The following INPP4B variants were observed in gnomAD, a reference collection of about 807,000 sequenced individuals.
INPP4B encodes the protein inositol polyphosphate 4-phosphatase type II.
In INPP4B, 55 loss-of-function variants were observed where a neutral mutation model predicts 122.5. That is an observed-to-expected ratio of 0.45 (90% confidence interval 0.36 to 0.56). The LOEUF (loss-of-function observed/expected upper bound fraction) is 0.56. Among genes scored for constraint, INPP4B ranks in the 20% least tolerant of loss-of-function variants. The probability of loss-of-function intolerance (pLI) is 0.00; values close to 1 mark genes in which losing one functional copy is unlikely to be tolerated. For missense variants in INPP4B, 1,000 were observed against 1,097.7 expected (o/e 0.91, Z 1.26); for synonymous variants, 403 against 388.7 (o/e 1.04, Z -0.43).
At chr4:142,803,991 G>GGAGGTTGCAGTGAGCC (rs1283070368) in intron 1 of INPP4B, among the ~76,000 whole-genome samples, 12 of 151,602 alleles carry the variant, frequency 7.9e-5, no homozygotes, top group African/African-American at 2.9e-4. Context: ...CCCGGGAGGT[G>GGAGGTTGCAGTGAGCC]GAGGTTGCAG....
chr4:142,380,034 A>T (rs1295326506), intron 7 of INPP4B, among the ~76,000 whole-genome samples: 4 of 152,244 alleles, frequency 2.6e-5, no homozygotes, highest in African/African-American at 9.6e-5. Context: ...AAATAACTTG[A>T]GGCAGAAATA....
chr4:142,780,793 G>A lies in INPP4B; in HGVS notation c.-253-54892C>T, dbSNP rs533946243. ...AGCCTGGGTGACAGAGTGAAACACC[G>A]TCTCGAAACAGAAAAAAAAGAGAAT... On this transcript the variant is annotated intron_variant, in intron 1 of 25. Transcript: ENST00000262992. Among the ~76,000 whole-genome samples, 18 of 152,110 alleles carry A rather than the reference G, an allele frequency of 1.2e-4. No homozygotes were observed. The South Asian group carries it at 1.2e-3, about 11-fold the overall frequency.
chr4:142,178,501 C>T (rs746540041), intron 15 of INPP4B, among the ~76,000 whole-genome samples: 6 of 152,140 alleles, frequency 3.9e-5, no homozygotes, highest in Non-Finnish European at 7.4e-5. Flanking sequence ...CACAAGTGCA[C>T]ATTGTGGGAC....
intron 2 of INPP4B, among the ~76,000 whole-genome samples, chr4:142,551,379 T>C (rs1295744765): frequency 6.6e-6 from 1 of 152,182 alleles, no homozygotes; most frequent in Non-Finnish European, 1.5e-5. Context: ...ATTTTCCTTT[T>C]GTGATTTCCT....
chr4:142,729,269 G>T (rs1330936577), intron 1 of INPP4B, among the ~76,000 whole-genome samples: 2 of 152,146 alleles, frequency 1.3e-5, no homozygotes, highest in African/African-American at 4.8e-5. Flanking sequence ...ACAGTTACCT[G>T]TCCACGGCTT....
chr4:142,279,360 T>G (rs1750115706), intron 9 of INPP4B, among the ~76,000 whole-genome samples: 1 of 151,782 alleles, frequency 6.6e-6, no homozygotes, highest in Non-Finnish European at 1.5e-5. Flanking sequence ...ATGAAGGAAT[T>G]GAACTAACTG....
chr4:142,360,615 T>C (rs947454751), intron 7 of INPP4B, among the ~76,000 whole-genome samples: 2 of 151,908 alleles, frequency 1.3e-5, no homozygotes, highest in African/African-American at 4.8e-5. Flanking sequence ...TTTGGGTCAT[T>C]TCAGGGAGAG....
At chr4:142,043,341 G>A (rs1470235596) in intron 25 of INPP4B, among the ~76,000 whole-genome samples, 1 of 152,154 alleles carries the variant, frequency 6.6e-6, no homozygotes, top group African/African-American at 2.4e-5. Flanking sequence ...ACCTGACTAT[G>A]AAAAAGGCAA....
chr4:142,398,466 C>T (rs185828178), intron 7 of INPP4B, among the ~76,000 whole-genome samples: 28 of 112,690 alleles, frequency 2.5e-4, no homozygotes, highest in Non-Finnish European at 8.5e-5. Flanking sequence ...AAACATAGTG[C>T]TTGGCATATA....
At chr4:142,538,365 G>A (rs1259360108) in intron 2 of INPP4B, among the ~76,000 whole-genome samples, 1 of 152,074 alleles carries the variant, frequency 6.6e-6, no homozygotes, top group Non-Finnish European at 1.5e-5. Flanking sequence ...TCAAAATAAT[G>A]TTGATATTGT....
chr4:142,675,085 A>T (rs988204018), intron 2 of INPP4B, among the ~76,000 whole-genome samples: 1 of 152,206 alleles, frequency 6.6e-6, no homozygotes, highest in Non-Finnish European at 1.5e-5. Context: ...TTTTGAAAAG[A>T]TCAACAAAAT....
chr4:142,797,569 A>G (rs919389566), intron 1 of INPP4B, among the ~76,000 whole-genome samples: 2 of 151,984 alleles, frequency 1.3e-5, no homozygotes, highest in African/African-American at 4.8e-5. Flanking sequence ...CAAATTTCCC[A>G]AACTGATAAA....
intron 1 of INPP4B, chr4:142,795,657 T>C (rs953988536): frequency 1.3e-5 from 2 of 151,982 alleles, no homozygotes; most frequent in African/African-American, 4.8e-5. Flanking sequence ...ATCTGTCACA[T>C]AGTAGGAGGT....
chr4:142,434,732 C>T (rs890687593), intron 3 of INPP4B, among the ~76,000 whole-genome samples: 1 of 152,050 alleles, frequency 6.6e-6, no homozygotes, highest in Non-Finnish European at 1.5e-5. Context: ...TTTTCTCTGC[C>T]ATCTAGAGAC....
At chr4:142,554,185 T>C (rs1444374404) in intron 2 of INPP4B, among the ~76,000 whole-genome samples, 1 of 90,080 alleles carries the variant, frequency 1.1e-5, no homozygotes, top group Non-Finnish European at 2.1e-5. Flanking sequence ...TGAAACTCCA[T>C]CTCAAAAAAA....
intron 23 of INPP4B, among the ~76,000 whole-genome samples, chr4:142,099,032 A>T (rs777009436): frequency 2.0e-5 from 3 of 152,158 alleles, no homozygotes; most frequent in Non-Finnish European, 4.4e-5. Context: ...TGACAAAAGA[A>T]GTAAGAAATA....
At chr4:142,320,889 G>A (rs1282883456) in intron 7 of INPP4B, among the ~76,000 whole-genome samples, 1 of 152,158 alleles carries the variant, frequency 6.6e-6, no homozygotes, top group Non-Finnish European at 1.5e-5. Context: ...CATTTGGGCT[G>A]GTTCTATATT....
intron 3 of INPP4B, among the ~76,000 whole-genome samples, chr4:142,442,358 G>T (rs192635342): frequency 0.011 from 1,404 of 123,284 alleles, 30 homozygotes; most frequent in African/African-American, 0.041. Flanking sequence ...GTTGCAGTGA[G>T]CCAAGATCAT....
intron 1 of INPP4B, among the ~76,000 whole-genome samples, chr4:142,766,495 C>T (rs1024811720): frequency 2.0e-5 from 3 of 151,872 alleles, no homozygotes; most frequent in Admixed American, 6.6e-5. Context: ...CTCAGCCTCC[C>T]GAGTAGCTGG....
Sources: allele counts gnomAD v4.1 joint callset (sites outside exome capture counted in the v4.1 genomes callset), GRCh38; gene constraint gnomAD v4.1.1; transcripts MANE v1.5; gene names NCBI Gene and HGNC (gene_info 2026-07-23, HGNC 2026-07-21).